STX16: variants seen among roughly 807,000 people sequenced by gnomAD.
STX16 encodes the protein syntaxin-16.
In STX16, 28 loss-of-function variants were observed where a neutral mutation model predicts 42.7. The ratio of observed to expected loss-of-function variants is 0.66; its 90% CI spans 0.49 to 0.90. The LOEUF (loss-of-function observed/expected upper bound fraction) is 0.90. Among genes scored for constraint, STX16 ranks in the 40% least tolerant of loss-of-function variants. The probability of loss-of-function intolerance (pLI) is 0.00; values close to 1 mark genes in which losing one functional copy is unlikely to be tolerated. For missense variants in STX16, 361 were observed against 420.9 expected (o/e 0.86, Z 1.24); for synonymous variants, 156 against 155.2 (o/e 1.00, Z -0.04).
chr20:58,676,024 T>C (rs1056147963), intron 8 of STX16, among the ~76,000 whole-genome samples, 163 bp from the exon 9 acceptor site: 2 of 152,186 alleles, frequency 1.3e-5, no homozygotes, highest in African/African-American at 4.8e-5. Flanking sequence ...CTCCTGGTGA[T>C]TGAATTCCGT....
intron 5 of STX16, 45 bp from the exon 6 acceptor site, chr20:58,670,467 G>A: frequency 6.9e-7 from 1 of 1,452,846 alleles, no homozygotes; most frequent in Non-Finnish European, 9.7e-7. Context: ...ACAATACTCA[G>A]GATGGTTTAC....
rs2083464837 is a variant in STX16 at position 58,651,922 on chromosome 20, A to C, written c.-85A>C. ...AGAAGCTTCCGTGAAAGGGTGGGCC[A>C]GCCGGGCCACGAGAAAGAAAGTGAA... On this transcript the variant is annotated 5_prime_UTR_variant, in exon 1 of 9. Coordinates refer to ENST00000371141, the MANE Select transcript of STX16 (RefSeq NM_001001433.3). The C allele has an allele frequency of 6.8e-7, 1 of 1,466,042 alleles. No homozygotes were observed. The allele number at this position is 1,466,042 out of a possible 1,614,324, so 90.8% of individuals were successfully genotyped here.
intron 1 of STX16, among the ~76,000 whole-genome samples, chr20:58,655,335 G>C (rs2083562182): frequency 6.6e-6 from 1 of 152,122 alleles, no homozygotes; most frequent in Non-Finnish European, 1.5e-5. Context: ...ATTTAAACAT[G>C]CATTTTTTGC....
chr20:58,667,716 C>G, intron 3 of STX16, 119 bp downstream of exon 3: 1 of 980,292 alleles, frequency 1.0e-6, no homozygotes. Flanking sequence ...TCTAGAAATA[C>G]TTTAGCTTTA....
chr20:58,669,757 A>C (rs192960249), intron 5 of STX16, among the ~76,000 whole-genome samples: 12 of 152,236 alleles, frequency 7.9e-5, no homozygotes, highest in African/African-American at 2.9e-4. Flanking sequence ...CATTTTAAAA[A>C]CCTGTTGTTT....
chr20:58,667,352 G>A, intron 2 of STX16, 138 bp from the exon 3 acceptor site: 1 of 772,174 alleles, frequency 1.3e-6, no homozygotes, highest in South Asian at 1.5e-5. Context: ...TATATTTTCA[G>A]GGAGCAACAT....
Position 58,667,565 on chromosome 20 carries a change from C to G in STX16, c.220C>G (p.Pro74Ala). Residue 74 changes from proline (P) to alanine (A), a missense_variant, in exon 3 of 9, where the codon CCA (proline) becomes GCA (alanine). Pro to Ala is a conservative substitution (Grantham distance 27). Transcript: ENST00000371141. ...AGCAGCGATTGGTGTGACAAAACGG[C>G]CACCTCCTAAGTGGGTGGATGGAGT... ...PEAAIGVTKR[P>A]PPKWVDGVDE... 1 of 1,614,102 alleles carries G rather than the reference C, an allele frequency of 6.2e-7. No individual in the cohort carries two copies. Among genetic ancestry groups the G allele is most frequent in the Non-Finnish European group, 8.5e-7 (1 of 1,180,022 alleles).
rs560898451 is a variant in STX16 at position 58,676,741 on chromosome 20, A to G, written c.*450A>G. The stretch of plus-strand genomic sequence containing the variant: ...TTAAGAAATTTGGTACCAAAAATTG[A>G]TGAGTAGAGGCAAAAATGCCCCTTC... On this transcript the variant is annotated 3_prime_UTR_variant, in exon 9 of 9. Coordinates refer to ENST00000371141, the MANE Select transcript of STX16 (RefSeq NM_001001433.3). The G allele has an allele frequency of 1.3e-5, 2 of 153,026 alleles. No homozygotes were observed. Among genetic ancestry groups the G allele is most frequent in the South Asian group, 4.1e-4 (2 of 4,834 alleles). The allele number at this position is 153,026 out of a possible 1,614,324, so 9.5% of individuals were successfully genotyped here. A position where few individuals can be genotyped will look rare whatever the true frequency, so the allele number is the denominator to read the frequency against.
At position 58,652,840 on chromosome 20, in the gene STX16, G is replaced by A. The variant is rs185798401; in HGVS notation, c.132+702G>A. Among the ~76,000 whole-genome samples the A allele has an allele frequency of 2.6e-5, 4 of 151,900 alleles. No homozygotes were observed. The East Asian group carries it at 7.7e-4, about 29-fold the overall frequency. ...AAAAAAAGCCTGAGGAGGTATATGTGAAAATTAACCCCGTAAAATAGCACT... is the reference window on the plus strand; with the variant it reads ...AAAAAAAGCCTGAGGAGGTATATGTAAAAATTAACCCCGTAAAATAGCACT... On this transcript the variant is annotated intron_variant, in intron 1 of 8. Coordinates refer to ENST00000371141, the MANE Select transcript of STX16 (RefSeq NM_001001433.3).
chr20:58,674,041 T>C (rs2084044782), intron 8 of STX16, among the ~76,000 whole-genome samples: 1 of 152,234 alleles, frequency 6.6e-6, no homozygotes, highest in African/African-American at 2.4e-5. Flanking sequence ...TTTTAGGAAA[T>C]CAATTGGGCA....
intron 8 of STX16, among the ~76,000 whole-genome samples, chr20:58,675,448 T>TG (rs1368104168): frequency 6.6e-6 from 1 of 152,180 alleles, no homozygotes; most frequent in Admixed American, 6.5e-5. Flanking sequence ...GCCAGCCAGG[T>TG]GGGGCCCTTT....
intron 2 of STX16, chr20:58,667,201 C>G: frequency 3.9e-6 from 2 of 507,558 alleles, no homozygotes; most frequent in African/African-American, 1.9e-5. Flanking sequence ...ATTTCTATAG[C>G]CAGATCAAGT....
At chr20:58,655,417 A>T (rs1424275765) in intron 1 of STX16, among the ~76,000 whole-genome samples, 1 of 152,186 alleles carries the variant, frequency 6.6e-6, no homozygotes, top group Non-Finnish European at 1.5e-5. Flanking sequence ...GTGCGTGCAT[A>T]CAGGGTTTTG....
intron 2 of STX16, among the ~76,000 whole-genome samples, chr20:58,665,854 C>T (rs2083813347): frequency 6.6e-6 from 1 of 152,154 alleles, no homozygotes; most frequent in African/African-American, 2.4e-5. Context: ...GCCTAAGATG[C>T]GTTCCCTGAG....
chr20:58,657,704 A>G lies in STX16; in HGVS notation c.133-1919A>G, dbSNP rs1381443396. 2.0e-5 allele frequency among the ~76,000 whole-genome samples: 3 copies of G among 152,196 alleles called. No homozygotes were observed. Among genetic ancestry groups the G allele is most frequent in the Non-Finnish European group, 4.4e-5 (3 of 68,040 alleles). On this transcript the variant is annotated intron_variant, in intron 1 of 8. Coordinates refer to ENST00000371141, the MANE Select transcript of STX16 (RefSeq NM_001001433.3). This position sits in a 1 kb window ranked among gnomAD's most constrained non-coding sequence, Gnocchi z 4.2. ...TTTGGTCTTTCTTGATGGTAATTCTAAATGTTTTAATTCAGGTCTTGACTA... is the reference window on the plus strand; with the variant it reads ...TTTGGTCTTTCTTGATGGTAATTCTGAATGTTTTAATTCAGGTCTTGACTA...
chr20:58,653,513 T>G (rs1424510757), intron 1 of STX16, among the ~76,000 whole-genome samples: 1 of 152,184 alleles, frequency 6.6e-6, no homozygotes, highest in Non-Finnish European at 1.5e-5. Context: ...GTTGAAGGGT[T>G]TTTTTTACAT....
rs765225502 is a variant in STX16 at position 58,676,330 on chromosome 20, TCC to T, written c.*41_*42del. ...TTCGTGTGTGCCGCGCGTGTGGATC[TCC>T]CGGGTGTGAGGGGCTTGGCCTGCGC... On this transcript the variant is annotated 3_prime_UTR_variant, in exon 9 of 9. Coordinates refer to ENST00000371141, the MANE Select transcript of STX16 (RefSeq NM_001001433.3). 6 of 1,575,480 alleles carry T rather than the reference TCC, an allele frequency of 3.8e-6. No individual in the cohort carries two copies. Among genetic ancestry groups the T allele is most frequent in the Non-Finnish European group, 5.2e-6 (6 of 1,144,952 alleles).
chr20:58,660,838 TGG>T (rs752600740), intron 2 of STX16, among the ~76,000 whole-genome samples: 1 of 149,128 alleles, frequency 6.7e-6, no homozygotes, highest in Non-Finnish European at 1.5e-5. Context: ...AAGAAACATC[TGG>T]GATAGAAAAC....
At chr20:58,664,505 A>G (rs2083771243) in intron 2 of STX16, among the ~76,000 whole-genome samples, 1 of 152,246 alleles carries the variant, frequency 6.6e-6, no homozygotes, top group South Asian at 2.1e-4. Context: ...TGGGAAAGCT[A>G]GTACCAGCTG....
Sources: allele counts gnomAD v4.1 joint callset (sites outside exome capture counted in the v4.1 genomes callset), GRCh38; gene constraint gnomAD v4.1.1; non-coding constraint Gnocchi (gnomAD v3.1); transcripts MANE v1.5; gene names NCBI Gene and HGNC (gene_info 2026-07-23, HGNC 2026-07-21).